The following PARN variants were observed in gnomAD, a reference collection of about 807,000 sequenced individuals.
PARN encodes poly(A)-specific ribonuclease PARN.
PARN carries 71 observed loss-of-function variants against 102.8 expected under a neutral mutation model. The observed-to-expected ratio is 0.69, with a 90% CI of 0.57 to 0.84. The LOEUF is 0.84. Among genes scored for constraint, PARN ranks in the 40% least tolerant of loss-of-function variants. The pLI, the probability that PARN is intolerant of heterozygous loss-of-function variation, is 0.00. For missense variants in PARN, 782 were observed against 760.9 expected (o/e 1.03, Z -0.33); for synonymous variants, 261 against 252.9 (o/e 1.03, Z -0.30).
At chr16:14,623,852 AAAAG>A (rs924383767) in intron 5 of PARN, among the ~76,000 whole-genome samples, 22 of 151,884 alleles carry the variant, frequency 1.4e-4, no homozygotes, top group Non-Finnish European at 2.5e-4. Flanking sequence ...AAAAAAAAAG[AAAAG>A]AAACACATCT....
At chr16:14,513,604 G>C (rs1965311771) in intron 21 of PARN, among the ~76,000 whole-genome samples, 1 of 152,122 alleles carries the variant, frequency 6.6e-6, no homozygotes, top group Admixed American at 6.5e-5. Flanking sequence ...CCAGCTTCCT[G>C]CTCCCTCCCC....
At position 14,468,860 on chromosome 16, in the gene PARN, A is replaced by C. The variant is rs146034497; in HGVS notation, c.1670+13778T>G. Among the ~76,000 whole-genome samples the C allele has an allele frequency of 8.3e-3, 1,248 of 150,506 alleles. 19 individuals are homozygous for C. The highest frequency in any genetic ancestry group is 0.029 in the African/African-American group (1,172 of 40,740). On this transcript the variant is annotated intron_variant, in intron 22 of 23. Transcript: ENST00000437198. ...AATAGGAGACCAGCTGGGGCAACAC[A>C]GCAAGATCCCATTACTAAATAGATA...
chr16:14,441,587 A>C (rs954503991), intron 23 of PARN, among the ~76,000 whole-genome samples: 1 of 152,202 alleles, frequency 6.6e-6, no homozygotes, highest in Non-Finnish European at 1.5e-5. Context: ...CCACACTAAG[A>C]AGGTGAGCCC....
chr16:14,443,420 A>G (rs1241694178), intron 23 of PARN, among the ~76,000 whole-genome samples: 3 of 151,010 alleles, frequency 2.0e-5, no homozygotes, highest in Admixed American at 6.6e-5. Flanking sequence ...AGCTCACTGC[A>G]ACCTCTGCCT....
chr16:14,547,261 G>T (rs574099992), intron 21 of PARN, among the ~76,000 whole-genome samples: 6 of 152,152 alleles, frequency 3.9e-5, no homozygotes, highest in African/African-American at 1.4e-4. Context: ...GCTTGTATGG[G>T]TTACCACGTA....
chr16:14,497,109 T>C (rs1964354022), intron 21 of PARN, among the ~76,000 whole-genome samples: 1 of 152,164 alleles, frequency 6.6e-6, no homozygotes, highest in Non-Finnish European at 1.5e-5. Flanking sequence ...AAACAATACC[T>C]ACTTTTACTA....
At chr16:14,534,206 T>G (rs566308737) in intron 21 of PARN, among the ~76,000 whole-genome samples, 1 of 130,242 alleles carries the variant, frequency 7.7e-6, no homozygotes, top group Non-Finnish European at 1.6e-5. Context: ...GCAACTGGAG[T>G]AAGACCCTGT....
intron 22 of PARN, among the ~76,000 whole-genome samples, chr16:14,458,899 G>A (rs955459860): frequency 6.6e-6 from 1 of 152,166 alleles, no homozygotes; most frequent in African/African-American, 2.4e-5. Flanking sequence ...GAGGCGAAAT[G>A]AGCTGACGAA....
chr16:14,478,773 A>G (rs1477679247), intron 22 of PARN, among the ~76,000 whole-genome samples: 4 of 152,226 alleles, frequency 2.6e-5, no homozygotes. Context: ...GTCAATATAT[A>G]ACAATGAATT....
At chr16:14,494,095 G>A (rs1326581721) in intron 21 of PARN, among the ~76,000 whole-genome samples, 1 of 152,116 alleles carries the variant, frequency 6.6e-6, no homozygotes, top group Non-Finnish European at 1.5e-5. Flanking sequence ...CTGCCTACAC[G>A]GAGGGCCTCT....
At chr16:14,528,232 C>T (rs1966115231) in intron 21 of PARN, among the ~76,000 whole-genome samples, 1 of 152,194 alleles carries the variant, frequency 6.6e-6, no homozygotes, top group Non-Finnish European at 1.5e-5. Context: ...CAAAAGTTAA[C>T]CTCTGTAACA....
chr16:14,529,094 G>A (rs151196508), intron 21 of PARN, among the ~76,000 whole-genome samples: 116 of 152,256 alleles, frequency 7.6e-4, no homozygotes, highest in Non-Finnish European at 1.4e-3. Flanking sequence ...TCACTTCACC[G>A]TGAGTGCAAA....
intron 23 of PARN, among the ~76,000 whole-genome samples, chr16:14,444,998 T>C (rs1391951890): frequency 7.1e-6 from 1 of 140,088 alleles, no homozygotes; most frequent in African/African-American, 2.5e-5. Flanking sequence ...TTTTTTTTTT[T>C]TTTTTTTTTT....
intron 22 of PARN, among the ~76,000 whole-genome samples, chr16:14,448,491 T>C (rs1375975435): frequency 1.3e-5 from 2 of 152,182 alleles, no homozygotes; most frequent in East Asian, 3.9e-4. Context: ...TTTCACCATG[T>C]TGGCCAAGCT....
At chr16:14,528,661 C>T (rs1966144883) in intron 21 of PARN, among the ~76,000 whole-genome samples, 1 of 152,172 alleles carries the variant, frequency 6.6e-6, no homozygotes, top group African/African-American at 2.4e-5. Context: ...TAATGCCAGG[C>T]ACTATGTCGA....
At chr16:14,571,325 C>A (rs1968796976) in intron 18 of PARN, among the ~76,000 whole-genome samples, 1 of 151,300 alleles carries the variant, frequency 6.6e-6, no homozygotes, top group African/African-American at 2.4e-5. Flanking sequence ...CCACTGCACT[C>A]CAGCCTGGGC....
intron 21 of PARN, among the ~76,000 whole-genome samples, chr16:14,514,396 C>T (rs1965355175): frequency 6.6e-6 from 1 of 152,042 alleles, no homozygotes; most frequent in South Asian, 2.1e-4. Flanking sequence ...CCGTGTTAGC[C>T]AGGATGATCT....
intron 21 of PARN, among the ~76,000 whole-genome samples, chr16:14,523,644 T>G (rs1965852384): frequency 6.6e-6 from 1 of 152,142 alleles, no homozygotes; most frequent in African/African-American, 2.4e-5. Flanking sequence ...GTCTAAAGAC[T>G]TATACAGAAT....
At chr16:14,596,386 C>T (rs904315175) in intron 12 of PARN, among the ~76,000 whole-genome samples, 1 of 151,490 alleles carries the variant, frequency 6.6e-6, no homozygotes, top group Non-Finnish European at 1.5e-5. Context: ...ATTATTAATA[C>T]TAATAATTAA....
Sources: allele counts gnomAD v4.1 joint callset (sites outside exome capture counted in the v4.1 genomes callset), GRCh38; gene constraint gnomAD v4.1.1; transcripts MANE v1.5; gene names NCBI Gene and HGNC (gene_info 2026-07-23, HGNC 2026-07-21).